The following PALLD variants were observed in gnomAD, a reference collection of about 807,000 sequenced individuals.
PALLD encodes the protein palladin, cytoskeletal associated protein, also known as palladin.
In PALLD, 61 loss-of-function variants were observed where a neutral mutation model predicts 123.5. The observed-to-expected ratio is 0.49, with a 90% CI of 0.40 to 0.61. PALLD has a LOEUF of 0.61. PALLD is among the 20% of genes least tolerant of loss of function. The pLI is 0.00. For synonymous variants in PALLD, 465 were observed against 496.4 expected (o/e 0.94, Z 0.84); for missense variants, 1,273 against 1,377.0 (o/e 0.92, Z 1.20).
intron 1 of PALLD, among the ~76,000 whole-genome samples, chr4:168,503,982 C>A (rs1761721129): frequency 6.6e-6 from 1 of 152,214 alleles, no homozygotes; most frequent in Non-Finnish European, 1.5e-5. Context: ...TTATCCCTTA[C>A]TGCAATTTGT....
chr4:168,822,777 T>G (rs1255333309), intron 10 of PALLD, among the ~76,000 whole-genome samples: 1 of 152,210 alleles, frequency 6.6e-6, no homozygotes, highest in Non-Finnish European at 1.5e-5. Context: ...TGTCAACAGC[T>G]GATTTTTGTC....
At chr4:168,733,870 G>A (rs1384486192) in intron 10 of PALLD, among the ~76,000 whole-genome samples, 1 of 152,132 alleles carries the variant, frequency 6.6e-6, no homozygotes, top group East Asian at 1.9e-4. Flanking sequence ...GAGTAGCTGG[G>A]ACTACAGGCG....
chr4:168,529,362 T>G (rs4569724), intron 2 of PALLD, among the ~76,000 whole-genome samples: 110,626 of 151,672 alleles, frequency 0.73, 40,496 homozygotes, highest in East Asian at 0.86. Context: ...AATGTGTTTT[T>G]CTCTTCAAAA....
chr4:168,796,538 C>T (rs779183209), intron 10 of PALLD, among the ~76,000 whole-genome samples: 70 of 152,068 alleles, frequency 4.6e-4, no homozygotes, highest in Non-Finnish European at 9.0e-4. Flanking sequence ...TCCGCTGGGC[C>T]CTGTACTCTT....
chr4:168,657,025 G>A (rs1778649075), intron 2 of PALLD, among the ~76,000 whole-genome samples: 1 of 152,154 alleles, frequency 6.6e-6, no homozygotes, highest in Non-Finnish European at 1.5e-5. Context: ...CATAAGCTCT[G>A]GAAAAGCTAG....
chr4:168,591,559 G>A (rs534345293), intron 2 of PALLD, among the ~76,000 whole-genome samples: 2 of 152,080 alleles, frequency 1.3e-5, no homozygotes, highest in Non-Finnish European at 2.9e-5. Flanking sequence ...CTCATCACCG[G>A]TAAAAACGAC....
chr4:168,800,660 A>C (rs1200424365), intron 10 of PALLD, among the ~76,000 whole-genome samples: 1 of 152,198 alleles, frequency 6.6e-6, no homozygotes, highest in Non-Finnish European at 1.5e-5. Flanking sequence ...TGCCAGTGGG[A>C]GTATAAATTG....
chr4:168,703,065 C>G (rs536521585), intron 8 of PALLD, among the ~76,000 whole-genome samples: 3 of 117,666 alleles, frequency 2.5e-5, no homozygotes, highest in Non-Finnish European at 3.4e-5. Flanking sequence ...CCCCTCCCCC[C>G]ACCCCACAAC....
intron 10 of PALLD, among the ~76,000 whole-genome samples, chr4:168,867,963 G>A (rs1337321943): frequency 1.3e-5 from 2 of 150,902 alleles, no homozygotes; most frequent in East Asian, 3.9e-4. Flanking sequence ...GGGTTATCTG[G>A]ATCCAGCGGC....
chr4:168,755,173 C>T (rs369412241), intron 10 of PALLD, among the ~76,000 whole-genome samples: 17 of 140,838 alleles, frequency 1.2e-4, no homozygotes, highest in African/African-American at 3.5e-4. Context: ...GCGGAGCTTG[C>T]GGTGAGCCGA....
intron 2 of PALLD, among the ~76,000 whole-genome samples, chr4:168,551,842 C>T (rs1766767929): frequency 1.3e-5 from 2 of 152,104 alleles, no homozygotes; most frequent in African/African-American, 4.8e-5. Context: ...GTGCTGGAAA[C>T]ATCTGACTCT....
intron 2 of PALLD, among the ~76,000 whole-genome samples, chr4:168,545,075 G>A (rs536197989): frequency 4.6e-5 from 7 of 152,308 alleles, no homozygotes; most frequent in Non-Finnish European, 8.8e-5. Context: ...AATCAAAGTG[G>A]TGGCAGAAAT....
rs140088920 is a variant in PALLD, at chr4:168,776,741, A to G, written c.1964+64818A>G. On this transcript the variant is annotated intron_variant, in intron 10 of 21. Transcript: ENST00000505667. ...TTTTGTTAAATGCTTTTCTGCCTCTATTGAGATGATCATACAGTTTTCCAA... is the reference window on the plus strand; with the variant it reads ...TTTTGTTAAATGCTTTTCTGCCTCTGTTGAGATGATCATACAGTTTTCCAA... 4.1e-3 allele frequency among the ~76,000 whole-genome samples: 630 copies of G among 152,298 alleles called. 5 individuals carry two copies. Among genetic ancestry groups the G allele is most frequent in the African/African-American group, 0.014 (593 of 41,588 alleles).
chr4:168,589,701 T>A (rs188212599), intron 2 of PALLD, among the ~76,000 whole-genome samples: 4 of 152,226 alleles, frequency 2.6e-5, no homozygotes, highest in African/African-American at 7.2e-5. Context: ...AGAGGCATTG[T>A]TGATAAATTA....
At chr4:168,519,366 A>T (rs1383521214) in intron 2 of PALLD, among the ~76,000 whole-genome samples, 1 of 152,234 alleles carries the variant, frequency 6.6e-6, no homozygotes, top group Non-Finnish European at 1.5e-5. Context: ...GTTCAGCAGC[A>T]ATGTCTCTAA....
At chr4:168,737,517 GTTTTTTTGGTTT>G (rs1407368672) in intron 10 of PALLD, among the ~76,000 whole-genome samples, 1 of 151,766 alleles carries the variant, frequency 6.6e-6, no homozygotes, top group Non-Finnish European at 1.5e-5. Context: ...ATGCCAATTT[GTTTTTTTGGTTT>G]TTTTTTTGAA....
intron 10 of PALLD, among the ~76,000 whole-genome samples, chr4:168,794,121 C>T (rs80121432): frequency 0.012 from 1,775 of 152,270 alleles, 16 homozygotes; most frequent in African/African-American, 0.032. Context: ...CAGGCCCGCT[C>T]CTCCAGCTGC....
intron 2 of PALLD, among the ~76,000 whole-genome samples, chr4:168,548,725 A>G (rs1766425972): frequency 6.6e-6 from 1 of 152,262 alleles, no homozygotes; most frequent in Non-Finnish European, 1.5e-5. Flanking sequence ...TAATAAGGAT[A>G]TACAAGTCTT....
intron 18 of PALLD, among the ~76,000 whole-genome samples, chr4:168,923,963 A>G (rs1227240218): frequency 6.6e-6 from 1 of 152,184 alleles, no homozygotes; most frequent in Non-Finnish European, 1.5e-5. Flanking sequence ...GCTAGCAATG[A>G]CTTAGGAGTC....
Sources: gnomAD v4.1 joint callset for allele counts (sites outside exome capture counted in the v4.1 genomes callset) on GRCh38, gnomAD v4.1.1 for gene constraint, MANE v1.5 for transcripts, NCBI Gene and HGNC (gene_info 2026-07-23, HGNC 2026-07-21) for gene names.